Variants in RNF215 observed in about 807,000 individuals in gnomAD.
The protein encoded by RNF215 is ring finger protein 215.
A neutral mutation model predicts 44.8 loss-of-function variants in RNF215; 41 were observed. The ratio of observed to expected loss-of-function variants is 0.92; its 90% CI spans 0.71 to 1.19. RNF215 has a LOEUF of 1.19. RNF215 is among the 50% of genes most tolerant of loss of function. The pLI is 0.00. For synonymous variants in RNF215, 218 were observed against 230.1 expected (o/e 0.95, Z 0.48); for missense variants, 452 against 496.2 (o/e 0.91, Z 0.85).
rs1452252583 is a variant in RNF215 at position 30,379,030 on chromosome 22, G to T, written c.*570C>A. 1 of 156,426 alleles carries T rather than the reference G, an allele frequency of 6.4e-6. No individual in the cohort carries two copies. Among genetic ancestry groups the T allele is most frequent in the Non-Finnish European group, 1.4e-5 (1 of 70,514 alleles). The allele number at this position is 156,426 out of a possible 1,614,324, so 9.7% of individuals were successfully genotyped here. A position where few individuals can be genotyped will look rare whatever the true frequency, so the allele number is the denominator to read the frequency against. On this transcript the variant is annotated 3_prime_UTR_variant, in exon 9 of 9. Coordinates refer to ENST00000382363, the MANE Select transcript of RNF215 (RefSeq NM_001017981.2). ...AGACCTCTGGTCCTAGCCAGGCCCA[G>T]GAAGGGAGCCAGGCTGGACAGGCAG... is the stretch of plus-strand genomic sequence containing the variant.
intron 8 of RNF215, 25 bp downstream of exon 8, chr22:30,379,686 G>A (rs35711436): frequency 0.22 from 344,541 of 1,552,544 alleles, 40,196 homozygotes; most frequent in Middle Eastern, 0.27. Context: ...AGAGTAGGCC[G>A]AGGGACCCCA....
chr22:30,382,415 A>C (rs1933542344), intron 5 of RNF215, among the ~76,000 whole-genome samples: 1 of 151,914 alleles, frequency 6.6e-6, no homozygotes, highest in Non-Finnish European at 1.5e-5. Flanking sequence ...AAAAAAAAAA[A>C]AAAAAAGCTT....
chr22:30,386,550 C>T, intron 2 of RNF215, 66 bp downstream of exon 2: 2 of 1,553,144 alleles, frequency 1.3e-6, no homozygotes, highest in Non-Finnish European at 1.7e-6. Flanking sequence ...CTAAGGAGGG[C>T]CTGGCTCTAG....
At position 30,379,340 on chromosome 22, in the gene RNF215, C is replaced by T. The variant is rs571261430; in HGVS notation, c.*260G>A. ...GCTGCCTGTAAGGAGGGCAGACTCA[C>T]GTCACAGGATTGCAGAGAAGGTCCC... is the stretch of plus-strand genomic sequence containing the variant. On this transcript the variant is annotated 3_prime_UTR_variant, in exon 9 of 9. Transcript: ENST00000382363. The T allele has an allele frequency of 2.6e-4, 142 of 555,336 alleles. No homozygotes were observed. In the East Asian group the frequency reaches 3.3e-3, roughly 13 times the overall value. The allele number at this position is 555,336 out of a possible 1,614,324, so 34.4% of individuals were successfully genotyped here. A position where few individuals can be genotyped will look rare whatever the true frequency, so the allele number is the denominator to read the frequency against.
Position 30,380,549 on chromosome 22 carries a change from G to A in RNF215, c.745-148C>T, listed in dbSNP as rs1384626403. On this transcript the variant is annotated intron_variant, in intron 5 of 8. Transcript: ENST00000382363. This position sits in a 1 kb window ranked among gnomAD's most constrained non-coding sequence, Gnocchi z 5.3. ...GCAGTCCCCAGCTTCCTCTTCTGAA[G>A]GCTCCGTCTCTTCCATTGTGTGCTT... 1 of 970,490 alleles carries A rather than the reference G, an allele frequency of 1.0e-6. No individual in the cohort carries two copies. The highest frequency in any genetic ancestry group is 1.5e-6 in the Non-Finnish European group (1 of 664,862). The allele number at this position is 970,490 out of a possible 1,614,324, so 60.1% of individuals were successfully genotyped here.
intron 2 of RNF215, 34 bp downstream of exon 2, chr22:30,386,582 C>T (rs746111613): frequency 6.3e-7 from 1 of 1,593,816 alleles, no homozygotes; most frequent in Non-Finnish European, 8.5e-7. Context: ...GAATCCTTTC[C>T]TCCAGCCCCC....
intron 2 of RNF215, 30 bp from the exon 3 acceptor site, chr22:30,386,171 C>A: frequency 1.9e-6 from 3 of 1,561,138 alleles, no homozygotes; most frequent in South Asian, 2.3e-5. Context: ...GAGAGGCTAG[C>A]ATATACCCTG....
Position 30,380,155 on chromosome 22 carries a change from T to C in RNF215, c.915A>G (p.Thr305=). The C allele has an allele frequency of 1.2e-6, 2 of 1,613,222 alleles. No individual in the cohort carries two copies. Among genetic ancestry groups the C allele is most frequent in the Non-Finnish European group, 1.7e-6 (2 of 1,179,700 alleles). Residue 305 remains threonine (T), a synonymous_variant, in exon 7 of 9, where the codon ACA becomes ACG. Transcript: ENST00000382363. This position sits in a 1 kb window ranked among gnomAD's most constrained non-coding sequence, Gnocchi z 5.3. ...CTGCCCTGCTCAGCCGGCAGCGCCG[T>C]GTCTTGAGGGATGCCAGTCTCCGCA... is the stretch of plus-strand genomic sequence containing the variant. ...RVVRRLASLK[T]RRCRLSRAAQ...
rs747903162 is a variant in RNF215 at position 30,380,260 on chromosome 22, G to T, written c.864+22C>A. On this transcript the variant is annotated intron_variant, in intron 6 of 8. Coordinates refer to ENST00000382363, the MANE Select transcript of RNF215 (RefSeq NM_001017981.2). The surrounding 1 kb of genome is among the most constrained non-coding windows in gnomAD (Gnocchi z 5.3). ...AGGTCCAAGGGCTGAGGGTGCTGGG[G>T]CTCCCTGGGGCTGGCTCCCACCTGG... 1 of 1,610,716 alleles carries T rather than the reference G, an allele frequency of 6.2e-7. No individual in the cohort carries two copies. Among genetic ancestry groups the T allele is most frequent in the African/African-American group, 1.3e-5 (1 of 74,830 alleles).
intron 4 of RNF215, 179 bp from the exon 5 acceptor site, chr22:30,384,674 G>C (rs910835917): frequency 1.8e-6 from 1 of 561,490 alleles, no homozygotes; most frequent in African/African-American, 1.9e-5. Context: ...GCCAGGCCAG[G>C]GAAGCCTGCA....
chr22:30,386,501 C>G, intron 2 of RNF215, 115 bp downstream of exon 2: 1 of 1,353,074 alleles, frequency 7.4e-7, no homozygotes, highest in Non-Finnish European at 1.0e-6. Context: ...CCCTGACCCA[C>G]CAGGCCTAGG....
chr22:30,386,840 G>T, intron 1 of RNF215, 81 bp from the exon 2 acceptor site: 1 of 1,529,752 alleles, frequency 6.5e-7, no homozygotes, highest in South Asian at 1.2e-5. Context: ...GGATGCCAAG[G>T]CCAGAGTTCC....
At chr22:30,385,860 T>C in intron 4 of RNF215, 44 bp downstream of exon 4, 1 of 1,576,700 alleles carries the variant, frequency 6.3e-7, no homozygotes. Flanking sequence ...CCAGGGGCTC[T>C]CTGTACCCAG....
Position 30,379,490 on chromosome 22 carries a change from C to G in RNF215, c.*110G>C. The G allele has an allele frequency of 7.4e-7, 1 of 1,359,176 alleles. No homozygotes were observed. The highest frequency in any genetic ancestry group is 1.0e-6 in the Non-Finnish European group (1 of 999,212). 84.2% of individuals were successfully genotyped at this position (1,359,176 alleles called of 1,614,324 possible). A position where few individuals can be genotyped will look rare whatever the true frequency, so the allele number is the denominator to read the frequency against. Reference sequence around the variant, plus strand: ...TCCTTCCTCCCACCCACTGGGCTTGCTGTCCTGTCTATCCTGCTGTCCCAT... The same window carrying G: ...TCCTTCCTCCCACCCACTGGGCTTGGTGTCCTGTCTATCCTGCTGTCCCAT... On this transcript the variant is annotated 3_prime_UTR_variant, in exon 9 of 9. Transcript: ENST00000382363.
chr22:30,382,968 G>A (rs1303375223), intron 5 of RNF215, among the ~76,000 whole-genome samples: 1 of 152,184 alleles, frequency 6.6e-6, no homozygotes, highest in African/African-American at 2.4e-5. Context: ...TAGACATGGT[G>A]GCACGTGCCT....
rs1424372637 is a variant in RNF215, at chr22:30,378,858, A to G, written c.*742T>C. The G allele has an allele frequency of 1.3e-5, 2 of 148,486 alleles. No individual in the cohort carries two copies. The highest frequency in any genetic ancestry group is 2.5e-5 in the African/African-American group (1 of 40,092). 9.2% of individuals were successfully genotyped at this position (148,486 alleles called of 1,614,324 possible). On this transcript the variant is annotated 3_prime_UTR_variant, in exon 9 of 9. Coordinates refer to ENST00000382363, the MANE Select transcript of RNF215 (RefSeq NM_001017981.2). ...ATAGCCACGTTTATTTTACTATTAAACCTTCCCTACTCCAACTCTTTAAAA... is the reference window on the plus strand; with the variant it reads ...ATAGCCACGTTTATTTTACTATTAAGCCTTCCCTACTCCAACTCTTTAAAA...
rs1019067588 is a variant in RNF215 at position 30,379,524 on chromosome 22, G to C, written c.*76C>G. 2.6e-6 allele frequency: 4 copies of C among 1,521,710 alleles called. No individual in the cohort carries two copies. The African/African-American group carries it at 4.1e-5, about 16-fold the overall frequency. 94.3% of individuals were successfully genotyped at this position (1,521,710 alleles called of 1,614,324 possible). On this transcript the variant is annotated 3_prime_UTR_variant, in exon 9 of 9. Coordinates refer to ENST00000382363, the MANE Select transcript of RNF215 (RefSeq NM_001017981.2). ...CTATCCTGCTGTCCCATCCTGTCCTGTCCTGGGAGCCCAGGCTGAGGACCG... is the reference window on the plus strand; with the variant it reads ...CTATCCTGCTGTCCCATCCTGTCCTCTCCTGGGAGCCCAGGCTGAGGACCG...
Position 30,379,706 on chromosome 22 carries a change from C to T in RNF215, c.1111+5G>A, listed in dbSNP as rs1271459650. 63 of 1,555,060 alleles carry T rather than the reference C, an allele frequency of 4.1e-5. No individual in the cohort carries two copies. The highest frequency in any genetic ancestry group is 5.2e-5 in the Non-Finnish European group (60 of 1,149,042). On this transcript the variant is annotated splice_donor_5th_base_variant and intron_variant, in intron 8 of 8. Transcript: ENST00000382363. ...AGGCCGAGGGACCCCACCCCTGGTG[C>T]TCACCCAGGACGTTGAATTTGCACA... is the stretch of plus-strand genomic sequence containing the variant.
chr22:30,379,449 C>T lies in RNF215; in HGVS notation c.*151G>A, dbSNP rs187993342. The T allele has an allele frequency of 3.4e-6, 3 of 892,532 alleles. No homozygotes were observed. The highest frequency in any genetic ancestry group is 2.4e-5 in the Admixed American group (1 of 42,182). 55.3% of individuals were successfully genotyped at this position (892,532 alleles called of 1,614,324 possible). ...GTGGGGCCCTCCTTCCCAGTGTGGA[C>T]ATGGTGGGGCCCTCATCCTTCCTCC... is the stretch of plus-strand genomic sequence containing the variant. On this transcript the variant is annotated 3_prime_UTR_variant, in exon 9 of 9. Transcript: ENST00000382363.
Sources: allele counts gnomAD v4.1 joint callset (sites outside exome capture counted in the v4.1 genomes callset), GRCh38; gene constraint gnomAD v4.1.1; non-coding constraint Gnocchi (gnomAD v3.1); transcripts MANE v1.5; gene names NCBI Gene and HGNC (gene_info 2026-07-23, HGNC 2026-07-21).